BCO1: variants seen among roughly 807,000 people sequenced by gnomAD.
BCO1 encodes the protein beta,beta-carotene 15,15'-dioxygenase.
In BCO1, 54 loss-of-function variants were observed where a neutral mutation model predicts 56.3. That is an observed-to-expected ratio of 0.96 (90% CI 0.77 to 1.20). The LOEUF (loss-of-function observed/expected upper bound fraction) is 1.20, where lower values mean the gene tolerates loss of function less well. Among genes scored for constraint, BCO1 ranks in the 50% most tolerant of loss-of-function variants. BCO1 has a pLI of 0.00. For missense variants in BCO1, 801 were observed against 690.9 expected, an observed-to-expected ratio of 1.16 and a Z score of -1.79; for synonymous variants, 318 against 266.1, an observed-to-expected ratio of 1.20 and a Z score of -1.90.
rs770612763 is a variant in BCO1 at position 81,285,589 on chromosome 16, A to AT, written c.1258dup (p.Tyr420LeufsTer20). ...ATGCTCACAATGGAAAGCAATACCG[A>AT]TATGTCTTTGCTACAGGAGTTCAGT... On this transcript the variant is annotated frameshift_variant, in exon 9 of 11. Coordinates refer to ENST00000258168, the MANE Select transcript of BCO1 (RefSeq NM_017429.3). LOFTEE classifies it high-confidence loss of function. The AT allele has an allele frequency of 3.7e-6, 6 of 1,613,844 alleles. No individual in the cohort carries two copies. In the East Asian group the frequency reaches 1.1e-4, roughly 30 times the overall value.
chr16:81,285,252 C>T (rs1908109951), intron 8 of BCO1, among the ~76,000 whole-genome samples: 1 of 152,178 alleles, frequency 6.6e-6, no homozygotes, highest in Non-Finnish European at 1.5e-5. Flanking sequence ...TTTAATCATG[C>T]AATTCTCTTT....
chr16:81,241,265 A>T (rs943067437), intron 1 of BCO1, among the ~76,000 whole-genome samples: 2 of 151,940 alleles, frequency 1.3e-5, no homozygotes, highest in African/African-American at 4.8e-5. Flanking sequence ...GTGAGCCAAG[A>T]TCGCACCACT....
chr16:81,275,987 C>T (rs1026279283), intron 7 of BCO1, among the ~76,000 whole-genome samples: 5 of 152,300 alleles, frequency 3.3e-5, no homozygotes, highest in East Asian at 3.9e-4. Context: ...TGCTGCAGGG[C>T]GCTGTGTGAG....
Position 81,287,345 on chromosome 16 carries a change from C to A in BCO1, c.1353C>A (p.Asp451Glu), listed in dbSNP as rs756844444. 6.0e-5 allele frequency: 97 copies of A among 1,614,020 alleles called. No homozygotes were observed. The highest frequency in any genetic ancestry group is 7.8e-5 in the Non-Finnish European group (92 of 1,179,982). ...LTKSSLKWREDDCWPAEPLFV... is the reference protein window; with the variant it reads ...LTKSSLKWREEDCWPAEPLFV... ...AGTCATCCTTAAAATGGAGAGAGGA[C>A]GACTGCTGGCCAGCGGAACCCCTGT... Residue 451 changes from aspartate (D) to glutamate (E), a missense_variant, in exon 10 of 11, where the codon GAC becomes GAA. Asp to Glu is a conservative substitution (Grantham distance 45). Coordinates refer to ENST00000258168, the MANE Select transcript of BCO1 (RefSeq NM_017429.3).
At chr16:81,256,060 C>G (rs1567702528) in intron 2 of BCO1, among the ~76,000 whole-genome samples, 1 of 152,002 alleles carries the variant, frequency 6.6e-6, no homozygotes, top group Non-Finnish European at 1.5e-5. Context: ...AAATGATCCA[C>G]CTGCCTCTAC....
At chr16:81,259,475 C>G (rs1906346783) in intron 2 of BCO1, among the ~76,000 whole-genome samples, 1 of 152,066 alleles carries the variant, frequency 6.6e-6, no homozygotes, top group African/African-American at 2.4e-5. Context: ...GCCTGGGCAA[C>G]AAGAGCAAAA....
chr16:81,277,438 A>T (rs1907624546), intron 7 of BCO1, among the ~76,000 whole-genome samples: 1 of 152,204 alleles, frequency 6.6e-6, no homozygotes, highest in Admixed American at 6.5e-5. Flanking sequence ...TGCCTGCACG[A>T]TGTGTGTGGC....
At chr16:81,268,194 C>A in intron 6 of BCO1, 63 bp downstream of exon 6, 1 of 1,472,598 alleles carries the variant, frequency 6.8e-7, no homozygotes, top group Non-Finnish European at 9.4e-7. Context: ...GGCTGGTGTG[C>A]AGGAGGGTGA....
At chr16:81,256,655 A>T (rs1201235286) in intron 2 of BCO1, among the ~76,000 whole-genome samples, 1 of 152,150 alleles carries the variant, frequency 6.6e-6, no homozygotes, top group African/African-American at 2.4e-5. Context: ...TGGGAGGCCG[A>T]GGCAGGCAGT....
At position 81,270,180 on chromosome 16, in the gene BCO1, C is replaced by G. The variant is rs145265153; in HGVS notation, c.865C>G (p.Gln289Glu). ...EEKTYIHIIDQRTRQPVQTKF... is the reference protein window; with the variant it reads ...EEKTYIHIIDERTRQPVQTKF... Reference sequence around the variant, plus strand: ...TCAGACTTATATCCACATCATCGACCAAAGGACCAGGCAGCCTGTGCAGAC... The same window carrying G: ...TCAGACTTATATCCACATCATCGACGAAAGGACCAGGCAGCCTGTGCAGAC... The change falls in exon 7 of 11, where the codon CAA becomes GAA. Residue 289 changes from glutamine (Q) to glutamate (E), a missense_variant. Transcript: ENST00000258168. 3 of 1,614,118 alleles carry G rather than the reference C, an allele frequency of 1.9e-6. No individual in the cohort carries two copies. The highest frequency in any genetic ancestry group is 2.5e-6 in the Non-Finnish European group (3 of 1,180,030).
intron 2 of BCO1, among the ~76,000 whole-genome samples, chr16:81,246,736 A>T (rs1262497763): frequency 6.6e-6 from 1 of 151,884 alleles, no homozygotes; most frequent in Non-Finnish European, 1.5e-5. Flanking sequence ...CTGTAATCCC[A>T]GCTACTAGGG....
intron 7 of BCO1, among the ~76,000 whole-genome samples, chr16:81,280,454 G>C (rs1907815684): frequency 6.6e-6 from 1 of 152,006 alleles, no homozygotes; most frequent in South Asian, 2.1e-4. Context: ...TCAGTGTTAT[G>C]TGATAAGCAT....
At chr16:81,270,522 TC>T in intron 7 of BCO1, 106 bp downstream of exon 7, 4 of 1,457,286 alleles carry the variant, frequency 2.7e-6, no homozygotes, top group Admixed American at 2.1e-5. Context: ...AATGAACTGT[TC>T]TTGAAAAAAA....
intron 2 of BCO1, among the ~76,000 whole-genome samples, chr16:81,251,872 A>ATGTGTGTGTGTGTGTGTGTGTG (rs773100922): frequency 6.8e-5 from 8 of 117,306 alleles, no homozygotes; most frequent in African/African-American, 3.1e-4. Flanking sequence ...ACACACACAT[A>ATGTGTGTGTGTGTGTGTGTGTG]TATGTGTGTG....
intron 8 of BCO1, 74 bp from the exon 9 acceptor site, chr16:81,285,466 C>A: frequency 9.1e-7 from 1 of 1,099,010 alleles, no homozygotes; most frequent in Admixed American, 1.7e-5. Flanking sequence ...AAAGGCTACC[C>A]AATCTGACAG....
rs149012771 is a variant in BCO1 at position 81,238,991 on chromosome 16, A to G, written c.64+19A>G. 19,533 of 1,606,306 alleles carry G rather than the reference A, an allele frequency of 0.012. 144 individuals carry two copies. The highest frequency in any genetic ancestry group is 0.015 in the Non-Finnish European group (17,928 of 1,173,732). On this transcript the variant is annotated intron_variant, in intron 1 of 10. Coordinates refer to ENST00000258168, the MANE Select transcript of BCO1 (RefSeq NM_017429.3). The stretch of plus-strand genomic sequence containing the variant: ...GTGACAGGTGAGCATTCTGATAAAC[A>G]CTGGGCTCTTTCTTCTATTTATTTT...
At position 81,270,278 on chromosome 16, in the gene BCO1, T is replaced by G; in HGVS notation, c.963T>G (p.Phe321Leu). Reference sequence around the variant, plus strand: ...ACGAAGAGGACGGCTGCATCGTGTTTGACGTCATTGCCTACGAGGACAACA... The same window carrying G: ...ACGAAGAGGACGGCTGCATCGTGTTGGACGTCATTGCCTACGAGGACAACA... ...NAYEEDGCIV[F>L]DVIAYEDNSL... Residue 321 changes from phenylalanine to leucine, a missense_variant, in exon 7 of 11, where the codon TTT (phenylalanine) becomes TTG (leucine). Phe to Leu is a conservative substitution (Grantham distance 22). Transcript: ENST00000258168. 1 of 1,614,228 alleles carries G rather than the reference T, an allele frequency of 6.2e-7. No homozygotes were observed. The highest frequency in any genetic ancestry group is 8.5e-7 in the Non-Finnish European group (1 of 1,180,042).
intron 1 of BCO1, among the ~76,000 whole-genome samples, chr16:81,241,679 G>A (rs1483195869): frequency 1.3e-5 from 2 of 152,184 alleles, no homozygotes; most frequent in Non-Finnish European, 2.9e-5. Context: ...TGACAGATGG[G>A]AAACTGAGGC....
intron 2 of BCO1, among the ~76,000 whole-genome samples, chr16:81,247,525 T>C (rs574546627): frequency 6.6e-6 from 1 of 152,158 alleles, no homozygotes; most frequent in African/African-American, 2.4e-5. Context: ...TTTTTATTTT[T>C]ATTTTTATTT....
Sources: gnomAD v4.1 joint callset for allele counts (sites outside exome capture counted in the v4.1 genomes callset) on GRCh38, gnomAD v4.1.1 for gene constraint, MANE v1.5 for transcripts, NCBI Gene and HGNC (gene_info 2026-07-23, HGNC 2026-07-21) for gene names.